TNRC18: variants seen among roughly 807,000 people sequenced by gnomAD.
The protein encoded by TNRC18 is trinucleotide repeat containing 18, also known as trinucleotide repeat-containing gene 18 protein.
Under a neutral mutation model 226.7 loss-of-function variants are expected in TNRC18, and 69 were observed. The ratio of observed to expected loss-of-function variants is 0.30; its 90% CI spans 0.25 to 0.37. TNRC18 has a LOEUF of 0.37. Ranked by LOEUF, TNRC18 falls within the 10% of genes least tolerant of loss-of-function variation. The pLI, the probability that TNRC18 is intolerant of heterozygous loss-of-function variation, is 1.00. For synonymous variants in TNRC18, 2,449 were observed against 1,927.6 expected (o/e 1.27, Z -7.09); for missense variants, 4,754 against 4,256.6 (o/e 1.12, Z -3.25).
At position 5,332,968 on chromosome 7, in the gene TNRC18, T is replaced by G. The variant is rs1237594102; in HGVS notation, c.5801A>C (p.Lys1934Thr). The G allele has an allele frequency of 1.3e-6, 2 of 1,563,616 alleles. No homozygotes were observed. Among genetic ancestry groups the G allele is most frequent in the South Asian group, 2.3e-5 (2 of 86,164 alleles). ...GGAGGGTCCCGGCTCCCCCAGCCCCTTCTTGGGCCGCAGCAGCCCCGCAGG... is the reference window on the plus strand; with the variant it reads ...GGAGGGTCCCGGCTCCCCCAGCCCCGTCTTGGGCCGCAGCAGCCCCGCAGG... ...RSPAGLLRPK[K>T]GLGEPGPSLA... Residue 1934 changes from lysine to threonine, a missense_variant, in exon 19 of 30, where the codon AAG (lysine) becomes ACG (threonine). Transcript: ENST00000430969.
Position 5,312,792 on chromosome 7 carries a change from G to A in TNRC18, c.8099C>T (p.Pro2700Leu). The A allele has an allele frequency of 6.5e-7, 1 of 1,533,602 alleles. No individual in the cohort carries two copies. Among genetic ancestry groups the A allele is most frequent in the Non-Finnish European group, 8.7e-7 (1 of 1,144,728 alleles). The allele number at this position is 1,533,602 out of a possible 1,614,324, so 95.0% of individuals were successfully genotyped here. The change falls in exon 27 of 30, where the codon CCC becomes CTC. Residue 2700 changes from proline (P) to leucine (L), a missense_variant. Pro to Leu is a moderately conservative substitution (Grantham distance 98, BLOSUM62 -3). Transcript: ENST00000430969. This position sits in a 1 kb window ranked among gnomAD's most constrained non-coding sequence, Gnocchi z 6.3. ...TAGPSAQAAL[P>L]TKATKQAGKA... is the part of the protein sequence containing the mutation. Reference sequence around the variant, plus strand: ...GCCGGCCTGCTTGGTGGCCTTGGTGGGGAGCGCCGCCTGCGCGGAAGGGCC... The same window carrying A: ...GCCGGCCTGCTTGGTGGCCTTGGTGAGGAGCGCCGCCTGCGCGGAAGGGCC...
At chr7:5,320,819 T>C (rs1788273182) in intron 22 of TNRC18, among the ~76,000 whole-genome samples, 2 of 152,248 alleles carry the variant, frequency 1.3e-5, no homozygotes, top group Non-Finnish European at 2.9e-5. Context: ...GTCCAGATCC[T>C]GAGAGAGGCC....
chr7:5,371,492 TG>T, intron 10 of TNRC18, 128 bp from the exon 11 acceptor site: 2 of 1,248,674 alleles, frequency 1.6e-6, no homozygotes, highest in Non-Finnish European at 2.1e-6. Flanking sequence ...AGCTACAGGG[TG>T]GGAGCTGTTC....
At chr7:5,349,166 C>T (rs893048219) in intron 17 of TNRC18, among the ~76,000 whole-genome samples, 2 of 152,208 alleles carry the variant, frequency 1.3e-5, no homozygotes, top group Non-Finnish European at 2.9e-5. Flanking sequence ...CAGCCCAATG[C>T]CCGCACCTCG....
At position 5,332,931 on chromosome 7, in the gene TNRC18, G is replaced by C. The variant is rs968788241; in HGVS notation, c.5838C>G (p.Pro1946=). The C allele has an allele frequency of 4.5e-6, 7 of 1,546,534 alleles. No homozygotes were observed. In the African/African-American group the frequency reaches 9.5e-5, roughly 21 times the overall value. Residue 1946 remains proline, a synonymous_variant, in exon 19 of 30, where the codon CCC becomes CCG. Coordinates refer to ENST00000430969, the MANE Select transcript of TNRC18 (RefSeq NM_001080495.3). ...LGEPGPSLAA[P]TPGARGPDPS... ...GGTCGGGACCGCGGGCGCCAGGCGTGGGTGCGGCCAGGGAGGGTCCCGGCT... is the reference window on the plus strand; with the variant it reads ...GGTCGGGACCGCGGGCGCCAGGCGTCGGTGCGGCCAGGGAGGGTCCCGGCT...
intron 18 of TNRC18, 45 bp downstream of exon 18, chr7:5,345,517 G>GGGC: frequency 7.9e-6 from 3 of 377,744 alleles, no homozygotes; most frequent in South Asian, 4.4e-5. Context: ...AATGGCGTCC[G>GGGC]CCCCTCCCAC....
rs565518804 is a variant in TNRC18 at position 5,396,419 on chromosome 7, G to A, written c.188-1824C>T. Among the ~76,000 whole-genome samples the A allele has an allele frequency of 4.0e-3, 610 of 152,256 alleles. 4 individuals are homozygous for A. Among genetic ancestry groups the A allele is most frequent in the African/African-American group, 0.014 (564 of 41,528 alleles). On this transcript the variant is annotated intron_variant, in intron 2 of 29. Transcript: ENST00000430969. ...GTGGCTCTCGCCTATAGTCTCTGGA[G>A]GCTGAGGCGAGAGGATGGGTTGAGC...
In TNRC18 at chr7:5,388,246, C is replaced by A. The variant is rs1221627060; in HGVS notation, c.1578G>T (p.Leu526=). ...CGCGGCTGTGGTGGTGCTGCGCGGC[C>A]AGCACGGCCATCTGCGTGGCGGCGA... ...GNFAATQMAV[L]AAQHHHSRAE... The change falls in exon 5 of 30, where the codon CTG becomes CTT. Residue 526 remains leucine, a synonymous_variant. Coordinates refer to ENST00000430969, the MANE Select transcript of TNRC18 (RefSeq NM_001080495.3). 6 of 1,607,482 alleles carry A rather than the reference C, an allele frequency of 3.7e-6. No individual in the cohort carries two copies. Among genetic ancestry groups the A allele is most frequent in the Non-Finnish European group, 4.2e-6 (5 of 1,177,826 alleles).
chr7:5,311,792 T>G (rs1583719376), intron 27 of TNRC18, among the ~76,000 whole-genome samples: 2 of 150,468 alleles, frequency 1.3e-5, no homozygotes, highest in Admixed American at 1.3e-4. Flanking sequence ...CACTCCAGCC[T>G]GGGTGACGGA....
intron 16 of TNRC18, 26 bp downstream of exon 16, chr7:5,356,890 G>C: frequency 6.6e-7 from 1 of 1,504,118 alleles, no homozygotes; most frequent in Non-Finnish European, 8.9e-7. Context: ...CAGCGGACCA[G>C]AGGTGGCGCG....
rs1156844208 is a variant in TNRC18, at chr7:5,332,994, C to T, written c.5775G>A (p.Ser1925=). Residue 1925 remains serine, a synonymous_variant, in exon 19 of 30, where the codon TCG becomes TCA. Coordinates refer to ENST00000430969, the MANE Select transcript of TNRC18 (RefSeq NM_001080495.3). ...SESEVKVRKR[S]PAGLLRPKKG... ...TCTTGGGCCGCAGCAGCCCCGCAGG[C>T]GACCGCTTGCGCACCTTGACCTCGC... 1.3e-6 allele frequency: 2 copies of T among 1,573,786 alleles called. No individual in the cohort carries two copies. Among genetic ancestry groups the T allele is most frequent in the East Asian group, 2.3e-5 (1 of 43,536 alleles).
chr7:5,394,871 C>G lies in TNRC18; in HGVS notation c.188-276G>C, dbSNP rs895148920. ...CCCTCAGCCCTGGGCACCCCGCACC[C>G]TCGGAGGAGGGCCTTCCACCCCTGC... On this transcript the variant is annotated intron_variant, in intron 2 of 29. Transcript: ENST00000430969. The surrounding 1 kb of genome is among the most constrained non-coding windows in gnomAD (Gnocchi z 4.5). Among the ~76,000 whole-genome samples the G allele has an allele frequency of 5.5e-4, 83 of 152,278 alleles. No homozygotes were observed. The highest frequency in any genetic ancestry group is 1.6e-3 in the African/African-American group (66 of 41,558).
intron 17 of TNRC18, among the ~76,000 whole-genome samples, chr7:5,350,092 G>C (rs1791627057): frequency 6.6e-6 from 1 of 152,168 alleles, no homozygotes; most frequent in African/African-American, 2.4e-5. Context: ...GCGGCTTTAA[G>C]GGGGCGTGGG....
chr7:5,324,816 G>T lies in TNRC18; in HGVS notation c.6300+280C>A, dbSNP rs984103723. Among the ~76,000 whole-genome samples the T allele has an allele frequency of 6.6e-6, 1 of 152,204 alleles. No individual in the cohort carries two copies. Among genetic ancestry groups the T allele is most frequent in the African/African-American group, 2.4e-5 (1 of 41,448 alleles). Reference sequence around the variant, plus strand: ...AAGCCTGAGGGCCCTGTGAGGACCTGGTGCTGGGCTGGGGGCCTGTCACCC... The same window carrying T: ...AAGCCTGAGGGCCCTGTGAGGACCTTGTGCTGGGCTGGGGGCCTGTCACCC... On this transcript the variant is annotated intron_variant, in intron 20 of 29. Transcript: ENST00000430969. This position sits in a 1 kb window ranked among gnomAD's most constrained non-coding sequence, Gnocchi z 4.8.
chr7:5,404,661 A>AAAC (rs1781343794), intron 2 of TNRC18, among the ~76,000 whole-genome samples: 1 of 152,122 alleles, frequency 6.6e-6, no homozygotes. Context: ...CCTCCCAAGG[A>AAAC]AACAGGCAGA....
intron 4 of TNRC18, 63 bp from the exon 5 acceptor site, chr7:5,389,399 C>A: frequency 8.3e-7 from 1 of 1,198,444 alleles, no homozygotes; most frequent in Middle Eastern, 3.3e-4. Context: ...CCTGCCTGGG[C>A]GGAGGCGGAC....
intron 27 of TNRC18, among the ~76,000 whole-genome samples, chr7:5,311,006 G>A (rs1361160939): frequency 2.6e-5 from 4 of 151,700 alleles, no homozygotes; most frequent in Admixed American, 2.0e-4. Flanking sequence ...GTGCACGCAT[G>A]TATGTGCCTA....
intron 27 of TNRC18, among the ~76,000 whole-genome samples, chr7:5,311,664 A>C (rs935627224): frequency 6.6e-6 from 1 of 151,870 alleles, no homozygotes. Flanking sequence ...AATATTTAAA[A>C]ATCAGCTGGG....
intron 9 of TNRC18, among the ~76,000 whole-genome samples, 191 bp from the exon 10 acceptor site, chr7:5,374,675 C>T (rs556298701): frequency 2.0e-5 from 3 of 152,336 alleles, no homozygotes; most frequent in East Asian, 3.9e-4. Context: ...ATAAGCACAG[C>T]GTTCCACGCA....
Sources: allele counts gnomAD v4.1 joint callset (sites outside exome capture counted in the v4.1 genomes callset), GRCh38; gene constraint gnomAD v4.1.1; non-coding constraint Gnocchi (gnomAD v3.1); transcripts MANE v1.5; gene names NCBI Gene and HGNC (gene_info 2026-07-23, HGNC 2026-07-21).